PCDH15: variants seen among roughly 807,000 people sequenced by gnomAD.
PCDH15 encodes protocadherin related 15, also known as protocadherin-15.
In PCDH15, 129 loss-of-function variants were observed where a neutral mutation model predicts 178.5. The ratio of observed to expected loss-of-function variants is 0.72; its 90% CI spans 0.63 to 0.84. PCDH15 has a LOEUF of 0.84. PCDH15 is among the 40% of genes least tolerant of loss of function. PCDH15 has a pLI of 0.00. For synonymous variants in PCDH15, 800 were observed against 732.0 expected (o/e 1.09, Z -1.50); for missense variants, 2,230 against 2,099.9 (o/e 1.06, Z -1.21).
chr10:54,720,293 T>C (rs1941371532), intron 1 of PCDH15, among the ~76,000 whole-genome samples: 1 of 152,056 alleles, frequency 6.6e-6, no homozygotes. Context: ...TTTGGACATC[T>C]AGATACAAAA....
At chr10:54,807,620 C>A (rs1024815761) in intron 3 of PCDH15, among the ~76,000 whole-genome samples, 3 of 150,530 alleles carry the variant, frequency 2.0e-5, no homozygotes, top group African/African-American at 7.3e-5. Flanking sequence ...GATTACCAAG[C>A]TAGCCTCTTA....
chr10:55,608,199 A>T (rs1176130381), intron 2 of PCDH15, among the ~76,000 whole-genome samples: 1 of 151,460 alleles, frequency 6.6e-6, no homozygotes, highest in African/African-American at 2.4e-5. Context: ...AGTGACTATA[A>T]TTTGTAAAAC....
chr10:54,203,384 G>A lies in PCDH15; in HGVS notation c.1099-7495C>T, dbSNP rs552948017. On this transcript the variant is annotated intron_variant, in intron 10 of 37. Coordinates refer to ENST00000644397, the MANE Select transcript of PCDH15 (RefSeq NM_001384140.1). The stretch of plus-strand genomic sequence containing the variant: ...TAGGTATGTTGGTGTATGTGTGCAC[G>A]TATGCCTGTGTATACACAGTATCAA... Among the ~76,000 whole-genome samples the A allele has an allele frequency of 5.9e-5, 9 of 152,172 alleles. No homozygotes were observed. In the South Asian group the frequency reaches 8.3e-4, roughly 14 times the overall value.
intron 15 of PCDH15, among the ~76,000 whole-genome samples, chr10:54,090,568 C>T (rs188527777): frequency 1.3e-5 from 2 of 150,946 alleles, no homozygotes; most frequent in East Asian, 2.0e-4. Context: ...TGCTTGAACC[C>T]GGGAGGCAGA....
intron 1 of PCDH15, among the ~76,000 whole-genome samples, chr10:55,297,430 A>G (rs993604964): frequency 4.6e-5 from 7 of 152,110 alleles, no homozygotes; most frequent in East Asian, 1.9e-4. Context: ...CCTTTTCTCT[A>G]TATTACATTG....
chr10:55,550,473 G>T (rs1311811265), intron 2 of PCDH15, among the ~76,000 whole-genome samples: 1 of 152,134 alleles, frequency 6.6e-6, no homozygotes, highest in Non-Finnish European at 1.5e-5. Flanking sequence ...ATAGAATACA[G>T]CCTCAGTAAG....
intron 6 of PCDH15, among the ~76,000 whole-genome samples, chr10:54,335,729 G>T (rs1304543121): frequency 6.6e-6 from 1 of 152,034 alleles, no homozygotes. Flanking sequence ...ACATTACCCA[G>T]TCTCACGTAT....
At chr10:54,324,624 G>A (rs946360862) in intron 7 of PCDH15, among the ~76,000 whole-genome samples, 10 of 151,880 alleles carry the variant, frequency 6.6e-5, no homozygotes, top group African/African-American at 1.5e-4. Flanking sequence ...AAAATTAGCT[G>A]GGAGTGGTGG....
rs921785509 is a variant in PCDH15 at position 53,959,266 on chromosome 10, A to G, written c.3122+466T>C. On this transcript the variant is annotated intron_variant, in intron 23 of 37. Coordinates refer to ENST00000644397, the MANE Select transcript of PCDH15 (RefSeq NM_001384140.1). ...ACACACTACATTTATATATATATAT[A>G]CACACTATATATATACACATGCACT... is the stretch of plus-strand genomic sequence containing the variant. Among the ~76,000 whole-genome samples, 76 of 146,124 alleles carry G rather than the reference A, an allele frequency of 5.2e-4. 1 individual carries two copies. Among genetic ancestry groups the G allele is most frequent in the African/African-American group, 2.0e-3 (75 of 37,544 alleles).
intron 4 of PCDH15, among the ~76,000 whole-genome samples, chr10:54,374,453 T>A (rs1283470580): frequency 6.6e-6 from 1 of 152,114 alleles, no homozygotes; most frequent in African/African-American, 2.4e-5. Flanking sequence ...TCTGTTATTA[T>A]TTTAATTATT....
chr10:54,009,311 G>C (rs1041577626), intron 20 of PCDH15, among the ~76,000 whole-genome samples: 9 of 151,924 alleles, frequency 5.9e-5, no homozygotes, highest in African/African-American at 1.9e-4. Flanking sequence ...ATATAGACAT[G>C]TGGACCCCCG....
At chr10:55,511,262 A>G (rs1439306433) in intron 2 of PCDH15, among the ~76,000 whole-genome samples, 2 of 131,252 alleles carry the variant, frequency 1.5e-5, no homozygotes, top group Non-Finnish European at 3.4e-5. Context: ...AGTCTGATCT[A>G]TCCTTTTTGG....
chr10:53,975,472 C>A (rs2134510586), intron 21 of PCDH15, among the ~76,000 whole-genome samples: 1 of 152,150 alleles, frequency 6.6e-6, no homozygotes, highest in Admixed American at 6.6e-5. Context: ...ATAATCAATA[C>A]TCTGACTGGT....
At chr10:54,433,090 G>A (rs1478931602) in intron 3 of PCDH15, among the ~76,000 whole-genome samples, 1 of 152,084 alleles carries the variant, frequency 6.6e-6, no homozygotes, top group African/African-American at 2.4e-5. Context: ...AGAGGATGTG[G>A]AGAAAAGGGA....
chr10:54,457,687 A>G (rs1003147622), intron 3 of PCDH15, among the ~76,000 whole-genome samples: 3 of 151,302 alleles, frequency 2.0e-5, no homozygotes, highest in East Asian at 1.9e-4. Context: ...TTGCTAAACA[A>G]TATTTTTTAA....
At chr10:55,398,170 C>A (rs1463879931) in intron 2 of PCDH15, among the ~76,000 whole-genome samples, 36 of 145,706 alleles carry the variant, frequency 2.5e-4, no homozygotes, top group African/African-American at 2.5e-4. Context: ...TCTGTTTTAC[C>A]AAAAAAAAAA....
At chr10:55,000,688 C>A (rs534739134) in intron 2 of PCDH15, among the ~76,000 whole-genome samples, 2 of 152,064 alleles carry the variant, frequency 1.3e-5, no homozygotes, top group East Asian at 1.9e-4. Flanking sequence ...TAAAGACAGG[C>A]GTAAGAAATT....
At chr10:55,180,272 G>T (rs1839605423) in intron 1 of PCDH15, among the ~76,000 whole-genome samples, 1 of 152,060 alleles carries the variant, frequency 6.6e-6, no homozygotes, top group African/African-American at 2.4e-5. Flanking sequence ...ATGTAGGCTG[G>T]CTCCAGTTGT....
chr10:54,495,354 A>AT (rs1484617303), intron 3 of PCDH15, among the ~76,000 whole-genome samples: 2 of 152,142 alleles, frequency 1.3e-5, no homozygotes, highest in African/African-American at 4.8e-5. Flanking sequence ...CTGTTGTGTA[A>AT]TTTTTTTCTA....
Sources: allele counts gnomAD v4.1 joint callset (sites outside exome capture counted in the v4.1 genomes callset), GRCh38; gene constraint gnomAD v4.1.1; transcripts MANE v1.5; gene names NCBI Gene and HGNC (gene_info 2026-07-23, HGNC 2026-07-21).